Variants in CPQ observed in about 807,000 individuals in gnomAD.
CPQ encodes Ser-Met dipeptidase.
Under a neutral mutation model 45.7 loss-of-function variants are expected in CPQ, and 37 were observed. The observed-to-expected ratio is 0.81, with a 90% confidence interval of 0.62 to 1.07. The LOEUF is 1.07. Ranked by LOEUF, CPQ falls within the 50% of genes least tolerant of loss-of-function variation. CPQ has a pLI of 0.00. For missense variants in CPQ, 537 were observed against 572.9 expected, an observed-to-expected ratio of 0.94 and a Z score of 0.64; for synonymous variants, 186 against 205.8, an observed-to-expected ratio of 0.90 and a Z score of 0.82.
At chr8:97,096,659 T>C (rs1011124239) in intron 7 of CPQ, among the ~76,000 whole-genome samples, 1 of 152,190 alleles carries the variant, frequency 6.6e-6, no homozygotes, top group Non-Finnish European at 1.5e-5. Context: ...GCATGAGATT[T>C]GAAGGGTACT....
intron 4 of CPQ, among the ~76,000 whole-genome samples, chr8:96,931,250 G>GT (rs908632194): frequency 6.6e-6 from 1 of 152,138 alleles, no homozygotes; most frequent in African/African-American, 2.4e-5. Flanking sequence ...AAATCGTTTT[G>GT]TTTTCAACTT....
At chr8:96,939,240 G>A (rs1197650531) in intron 4 of CPQ, among the ~76,000 whole-genome samples, 4 of 152,118 alleles carry the variant, frequency 2.6e-5, no homozygotes, top group Non-Finnish European at 5.9e-5. Flanking sequence ...ATTACCTAAG[G>A]AGCATGCATG....
intron 7 of CPQ, among the ~76,000 whole-genome samples, chr8:97,128,439 C>A (rs368101284): frequency 2.6e-5 from 4 of 152,214 alleles, no homozygotes; most frequent in Non-Finnish European, 5.9e-5. Context: ...AATCCCAGCA[C>A]TTTGGGAGGC....
chr8:96,845,985 A>G lies in CPQ; in HGVS notation c.641+10805A>G, dbSNP rs183499941. Among the ~76,000 whole-genome samples, 12 of 151,904 alleles carry G rather than the reference A, an allele frequency of 7.9e-5. No homozygotes were observed. In the East Asian group the frequency reaches 2.3e-3, roughly 30 times the overall value. On this transcript the variant is annotated intron_variant, in intron 3 of 7. Coordinates refer to ENST00000220763, the MANE Select transcript of CPQ (RefSeq NM_016134.4). ...CAGTCATGCACCACCACACCTGGCTATTTTGTATTTTTAGTAGAGATAGGG... is the reference window on the plus strand; with the variant it reads ...CAGTCATGCACCACCACACCTGGCTGTTTTGTATTTTTAGTAGAGATAGGG...
At chr8:96,673,089 G>T (rs1397687398) in intron 1 of CPQ, among the ~76,000 whole-genome samples, 2 of 152,152 alleles carry the variant, frequency 1.3e-5, no homozygotes, top group Non-Finnish European at 2.9e-5. Flanking sequence ...AGCAGAGAAG[G>T]GGAATGGTAG....
intron 7 of CPQ, among the ~76,000 whole-genome samples, chr8:97,078,007 A>G (rs982070942): frequency 1.3e-5 from 2 of 152,130 alleles, no homozygotes; most frequent in Non-Finnish European, 2.9e-5. Flanking sequence ...TTAAACCATC[A>G]GTTTGTTTAC....
At chr8:96,752,737 C>A (rs951157412) in intron 1 of CPQ, among the ~76,000 whole-genome samples, 3 of 152,036 alleles carry the variant, frequency 2.0e-5, no homozygotes, top group South Asian at 2.1e-4. Flanking sequence ...CAGCTTTTGC[C>A]CACTCAGTGT....
chr8:97,140,715 T>G lies in CPQ; in HGVS notation c.1256-2305T>G, dbSNP rs188606593. 3.3e-3 allele frequency among the ~76,000 whole-genome samples: 503 copies of G among 152,146 alleles called. 5 individuals are homozygous for G. Among genetic ancestry groups the G allele is most frequent in the African/African-American group, 0.011 (466 of 41,552 alleles). ...GAGTATATTTAAATGATTCTAAAATTTATCTGAAAGAGCAAATGGTTCTGA... is the reference window on the plus strand; with the variant it reads ...GAGTATATTTAAATGATTCTAAAATGTATCTGAAAGAGCAAATGGTTCTGA... On this transcript the variant is annotated intron_variant, in intron 7 of 7. Coordinates refer to ENST00000220763, the MANE Select transcript of CPQ (RefSeq NM_016134.4).
intron 7 of CPQ, among the ~76,000 whole-genome samples, chr8:97,137,735 G>A (rs540103357): frequency 3.3e-5 from 5 of 152,244 alleles, no homozygotes; most frequent in Admixed American, 2.0e-4. Context: ...CGAGACCATC[G>A]TGGTTAACAC....
chr8:96,954,317 A>G (rs2853255), intron 4 of CPQ, among the ~76,000 whole-genome samples: 77,091 of 151,822 alleles, frequency 0.51, 21,664 homozygotes, highest in African/African-American at 0.77. Flanking sequence ...ACAATCGACT[A>G]ATGAGATTTA....
At position 97,053,674 on chromosome 8, in the gene CPQ, G is replaced by C. The variant is rs1043307984; in HGVS notation, c.1054-12335G>C. Among the ~76,000 whole-genome samples, 42 of 152,316 alleles carry C rather than the reference G, an allele frequency of 2.8e-4. 1 individual carries two copies. Among genetic ancestry groups the C allele is most frequent in the African/African-American group, 9.9e-4 (41 of 41,578 alleles). ...AAGCCCCATGGGCCATTTTCTCTGA[G>C]TGAGGTTGGAACTATGGGAGGCTTT... is the stretch of plus-strand genomic sequence containing the variant. On this transcript the variant is annotated intron_variant, in intron 6 of 7. Transcript: ENST00000220763.
intron 1 of CPQ, among the ~76,000 whole-genome samples, chr8:96,697,038 T>C (rs964069569): frequency 6.6e-6 from 1 of 152,118 alleles, no homozygotes; most frequent in African/African-American, 2.4e-5. Flanking sequence ...ATTACCCTGA[T>C]ACAAAAACCA....
intron 1 of CPQ, among the ~76,000 whole-genome samples, chr8:96,698,141 C>T (rs1809410118): frequency 6.6e-6 from 1 of 151,524 alleles, no homozygotes; most frequent in African/African-American, 2.4e-5. Context: ...ATGGCACTGG[C>T]ATAAAAACAG....
At chr8:97,075,961 T>A (rs1459018881) in intron 7 of CPQ, among the ~76,000 whole-genome samples, 1 of 152,226 alleles carries the variant, frequency 6.6e-6, no homozygotes. Flanking sequence ...TTTATAAATA[T>A]TTTAATTTGT....
intron 3 of CPQ, among the ~76,000 whole-genome samples, chr8:96,836,367 G>A (rs900765565): frequency 3.3e-5 from 5 of 152,092 alleles, no homozygotes; most frequent in African/African-American, 1.2e-4. Context: ...CTTATACAGG[G>A]ATAAGATATC....
At chr8:96,956,334 A>C (rs1381563431) in intron 4 of CPQ, among the ~76,000 whole-genome samples, 1 of 152,098 alleles carries the variant, frequency 6.6e-6, no homozygotes, top group Non-Finnish European at 1.5e-5. Flanking sequence ...GGAAAGCATG[A>C]TTATGCTTCA....
intron 3 of CPQ, among the ~76,000 whole-genome samples, chr8:96,864,455 G>C (rs749709618): frequency 2.6e-5 from 4 of 152,012 alleles, no homozygotes; most frequent in Non-Finnish European, 5.9e-5. Context: ...TGATTTATGT[G>C]GACTCATCAG....
At chr8:96,687,017 T>C (rs546145873) in intron 1 of CPQ, among the ~76,000 whole-genome samples, 4 of 152,240 alleles carry the variant, frequency 2.6e-5, no homozygotes, top group African/African-American at 7.2e-5. Flanking sequence ...TCATTGTTTC[T>C]TGTTCTTTGT....
At chr8:97,113,761 A>G (rs1044320017) in intron 7 of CPQ, among the ~76,000 whole-genome samples, 1 of 152,256 alleles carries the variant, frequency 6.6e-6, no homozygotes, top group Non-Finnish European at 1.5e-5. Context: ...CATTAAGGGA[A>G]TAAAACGTAT....
Sources: gnomAD v4.1 joint callset for allele counts (sites outside exome capture counted in the v4.1 genomes callset) on GRCh38, gnomAD v4.1.1 for gene constraint, MANE v1.5 for transcripts, NCBI Gene and HGNC (gene_info 2026-07-23, HGNC 2026-07-21) for gene names.